Variants in NUP62CL observed in about 807,000 individuals in gnomAD.
NUP62CL encodes the protein nucleoporin-62 C-terminal-like protein.
A neutral mutation model predicts 15.3 loss-of-function variants in NUP62CL; 13 were observed. That is an observed-to-expected ratio of 0.85 (90% confidence interval 0.55 to 1.35). The LOEUF (loss-of-function observed/expected upper bound fraction) is 1.35. Ranked by LOEUF, NUP62CL falls within the 40% of genes most tolerant of loss-of-function variation. NUP62CL has a pLI of 0.00. For synonymous variants in NUP62CL, 54 were observed against 49.2 expected (o/e 1.10, Z -0.41); for missense variants, 123 against 130.6 (o/e 0.94, Z 0.28).
rs1569364411 is a variant in NUP62CL, at chrX:107,184,291, AAAGAGAAGAAAGAAAG to A, written c.-48+8722_-48+8737del. Among the ~76,000 whole-genome samples, 612 of 95,109 alleles carry A rather than the reference AAAGAGAAGAAAGAAAG, an allele frequency of 6.4e-3. 16 individuals are homozygous for A. The highest frequency in any genetic ancestry group is 0.02 in the Middle Eastern group (4 of 198). The allele number at this position is 95,109 out of a possible 115,157, so 82.6% of individuals were successfully genotyped here. A position where few individuals can be genotyped will look rare whatever the true frequency, so the allele number is the denominator to read the frequency against. ...TGAAAAAACCCGCCTCAGCACAAAAAAAGAGAAGAAAGAAAGAAAGAAAGAAAGAAAGAAAGAAAGA... is the reference window on the plus strand; with the variant it reads ...TGAAAAAACCCGCCTCAGCACAAAAAAAAGAAAGAAAGAAAGAAAGAAAGA... On this transcript the variant is annotated intron_variant, in intron 2 of 8. Transcript: ENST00000372466.
rs998390402 is a variant in NUP62CL at position 107,176,361 on chromosome X, C to T, written c.-47-1168G>A. Among the ~76,000 whole-genome samples, 5 of 111,475 alleles carry T rather than the reference C, an allele frequency of 4.5e-5. No homozygotes were observed. The East Asian group carries it at 1.4e-3, about 31-fold the overall frequency. On this transcript the variant is annotated intron_variant, in intron 2 of 8. Transcript: ENST00000372466. Reference sequence around the variant, plus strand: ...AAGAATTAAGTACTGATGTACGCTACAACATGGATGAATCTTGAAAACATT... The same window carrying T: ...AAGAATTAAGTACTGATGTACGCTATAACATGGATGAATCTTGAAAACATT...
chrX:107,184,856 T>C (rs1259100394), intron 2 of NUP62CL, among the ~76,000 whole-genome samples: 1 of 110,727 alleles, frequency 9.0e-6, no homozygotes, highest in Admixed American at 9.6e-5. Context: ...AAAAATAGCA[T>C]CTAACCAAGA....
chrX:107,129,472 G>A (rs1391776474), intron 8 of NUP62CL, among the ~76,000 whole-genome samples: 1 of 111,998 alleles, frequency 8.9e-6, no homozygotes, highest in Non-Finnish European at 1.9e-5. Flanking sequence ...CAGGGATAAA[G>A]TGAAAGCCTA....
At chrX:107,140,402 T>C (rs1925740054) in intron 8 of NUP62CL, among the ~76,000 whole-genome samples, 1 of 111,746 alleles carries the variant, frequency 8.9e-6, no homozygotes, top group Admixed American at 9.5e-5. Flanking sequence ...CCTCCTACAC[T>C]GAGATACACA....
chrX:107,135,089 GT>G (rs1569354175), intron 8 of NUP62CL, among the ~76,000 whole-genome samples: 1 of 111,365 alleles, frequency 9.0e-6, no homozygotes, highest in African/African-American at 3.3e-5. Flanking sequence ...AAAGCTTATT[GT>G]TTCCCCCTTA....
rs182627236 is a variant in NUP62CL at position 107,155,953 on chromosome X, C to A, written c.195-1707G>T. 5.2e-3 allele frequency among the ~76,000 whole-genome samples: 580 copies of A among 112,550 alleles called. 3 individuals are homozygous for A. The highest frequency in any genetic ancestry group is 0.018 in the African/African-American group (557 of 30,951). ...GTGCGCAAGCCAAAGCAGGGCGAGG[C>A]ATTCCCTCACCTGGGAAGCGCAAGG... is the stretch of plus-strand genomic sequence containing the variant. On this transcript the variant is annotated intron_variant, in intron 4 of 8. Transcript: ENST00000372466.
At chrX:107,194,788 G>A (rs1927321276) in intron 1 of NUP62CL, among the ~76,000 whole-genome samples, 1 of 101,687 alleles carries the variant, frequency 9.8e-6, no homozygotes, top group Non-Finnish European at 2.0e-5. Flanking sequence ...TTCACATTGA[G>A]TCCAATTTTC....
intron 7 of NUP62CL, 107 bp downstream of exon 7, chrX:107,153,065 C>T (rs192513305): frequency 5.7e-6 from 4 of 703,994 alleles, no homozygotes; most frequent in East Asian, 3.7e-5. Context: ...CCCTTTCTAC[C>T]GATTTGTATT....
intron 1 of NUP62CL, among the ~76,000 whole-genome samples, chrX:107,204,896 ATTTAAATAAAT>A (rs1381986632): frequency 1.1e-5 from 1 of 93,894 alleles, no homozygotes; most frequent in Admixed American, 1.1e-4. Flanking sequence ...TAAATAAATT[ATTTAAATAAAT>A]TTTAAATAAA....
At chrX:107,192,432 T>A (rs1210284850) in intron 2 of NUP62CL, among the ~76,000 whole-genome samples, 1 of 111,900 alleles carries the variant, frequency 8.9e-6, no homozygotes, top group African/African-American at 3.2e-5. Context: ...CAGGCTGGAG[T>A]GCAGTGGTGC....
At chrX:107,184,067 G>A (rs999089530) in intron 2 of NUP62CL, among the ~76,000 whole-genome samples, 6 of 109,247 alleles carry the variant, frequency 5.5e-5, no homozygotes, top group African/African-American at 1.0e-4. Flanking sequence ...CCATTCTGCA[G>A]TAAAAAGGCA....
chrX:107,176,572 C>CG (rs1390314381), intron 2 of NUP62CL, among the ~76,000 whole-genome samples: 2 of 103,445 alleles, frequency 1.9e-5, no homozygotes, highest in East Asian at 6.1e-4. Flanking sequence ...TTTTTTTTGT[C>CG]GGGGGGGCGA....
At chrX:107,155,375 G>A (rs757038627) in intron 4 of NUP62CL, among the ~76,000 whole-genome samples, 37 of 112,460 alleles carry the variant, frequency 3.3e-4, no homozygotes, top group Non-Finnish European at 5.6e-4. Flanking sequence ...GCCTCCATGT[G>A]CAGCAACTAA....
intron 7 of NUP62CL, among the ~76,000 whole-genome samples, chrX:107,151,334 A>G (rs961761416): frequency 7.2e-5 from 8 of 111,780 alleles, no homozygotes; most frequent in Admixed American, 1.9e-4. Context: ...GCAATATTCA[A>G]TAGATGCTGA....
chrX:107,197,160 A>T (rs1927376715), intron 1 of NUP62CL, among the ~76,000 whole-genome samples: 1 of 111,543 alleles, frequency 9.0e-6, no homozygotes, highest in East Asian at 2.8e-4. Context: ...TTTTCTGCAT[A>T]TTTGGATTGA....
intron 2 of NUP62CL, among the ~76,000 whole-genome samples, chrX:107,184,291 AAAGAGAAGAAAGAAAGAAAGAAAGAAAG>A (rs1362818222): frequency 0.21 from 19,536 of 94,955 alleles, 1,709 homozygotes; most frequent in East Asian, 0.36. Context: ...CAGCACAAAA[AAAGAGAAGAAAGAAAGAAAGAAAGAAAG>A]AAAGAAAGAA....
intron 8 of NUP62CL, among the ~76,000 whole-genome samples, chrX:107,145,298 T>C (rs771503545): frequency 9.0e-6 from 1 of 110,997 alleles, no homozygotes; most frequent in South Asian, 3.8e-4. Flanking sequence ...ATAAAATTTG[T>C]ATTATTTTAA....
intron 8 of NUP62CL, among the ~76,000 whole-genome samples, chrX:107,136,681 A>G (rs1245501183): frequency 8.9e-6 from 1 of 112,498 alleles, no homozygotes; most frequent in East Asian, 2.8e-4. Context: ...ACAAAAGACT[A>G]GATGTATTTG....
intron 8 of NUP62CL, among the ~76,000 whole-genome samples, chrX:107,133,721 C>A (rs1236900083): frequency 8.9e-6 from 1 of 112,167 alleles, no homozygotes; most frequent in Non-Finnish European, 1.9e-5. Flanking sequence ...GGGTGGATCA[C>A]GAGGTCAGGA....
Sources: gnomAD v4.1 joint callset for allele counts (sites outside exome capture counted in the v4.1 genomes callset) on GRCh38, gnomAD v4.1.1 for gene constraint, MANE v1.5 for transcripts, NCBI Gene and HGNC (gene_info 2026-07-23, HGNC 2026-07-21) for gene names.